DLGAP2: variants seen among roughly 807,000 people sequenced by gnomAD.
The protein encoded by DLGAP2 is disks large-associated protein 2.
DLGAP2 carries 26 observed loss-of-function variants against 100.3 expected under a neutral mutation model. The ratio of observed to expected loss-of-function variants is 0.26; its 90% CI spans 0.19 to 0.36. The LOEUF (loss-of-function observed/expected upper bound fraction) is 0.36, where lower values mean the gene tolerates loss of function less well. DLGAP2 is among the 10% of genes least tolerant of loss of function. DLGAP2 has a pLI of 1.00. For synonymous variants in DLGAP2, 886 were observed against 630.1 expected (o/e 1.41, Z -6.08); for missense variants, 1,858 against 1,453.2 (o/e 1.28, Z -4.53).
intron 3 of DLGAP2, among the ~76,000 whole-genome samples, chr8:1,327,800 C>T (rs886314175): frequency 6.6e-6 from 1 of 152,176 alleles, no homozygotes; most frequent in Non-Finnish European, 1.5e-5. Context: ...GCAGAGATGG[C>T]ACCACTGCAC....
At chr8:1,066,187 G>T (rs1257104422) in intron 2 of DLGAP2, among the ~76,000 whole-genome samples, 1 of 150,988 alleles carries the variant, frequency 6.6e-6, no homozygotes, top group African/African-American at 2.4e-5. Flanking sequence ...CCCCACCACG[G>T]TCAGGTCTGA....
At chr8:974,542 A>G (rs535668863) in intron 2 of DLGAP2, among the ~76,000 whole-genome samples, 3 of 152,352 alleles carry the variant, frequency 2.0e-5, no homozygotes, top group Non-Finnish European at 2.9e-5. Context: ...AAGTAACACA[A>G]AGTCTGCTCT....
intron 3 of DLGAP2, among the ~76,000 whole-genome samples, chr8:1,266,711 C>T (rs1799457900): frequency 6.6e-6 from 1 of 151,984 alleles, no homozygotes; most frequent in Admixed American, 6.6e-5. Flanking sequence ...AAGCATGATA[C>T]AGTGAGGGGG....
At chr8:1,045,012 C>T (rs1802478010) in intron 2 of DLGAP2, among the ~76,000 whole-genome samples, 1 of 152,202 alleles carries the variant, frequency 6.6e-6, no homozygotes, top group South Asian at 2.1e-4. Context: ...TTGTCATTTC[C>T]TCATAAGCAC....
chr8:1,443,612 C>T (rs1367014980), intron 3 of DLGAP2, among the ~76,000 whole-genome samples: 1 of 152,172 alleles, frequency 6.6e-6, no homozygotes, highest in African/African-American at 2.4e-5. Flanking sequence ...GGGGAGGCCT[C>T]ACGATCATGG....
chr8:898,366 C>G (rs1490939621), intron 1 of DLGAP2, among the ~76,000 whole-genome samples: 1 of 152,210 alleles, frequency 6.6e-6, no homozygotes, highest in Admixed American at 6.5e-5. Context: ...TCTCCTCGGG[C>G]TGAAGTGCAC....
chr8:1,505,336 T>A (rs1799869352), intron 4 of DLGAP2, among the ~76,000 whole-genome samples: 1 of 152,220 alleles, frequency 6.6e-6, no homozygotes. Flanking sequence ...GTTAAAGTCA[T>A]AAAGCAATGA....
At chr8:864,809 A>G (rs995780372) in intron 1 of DLGAP2, among the ~76,000 whole-genome samples, 3 of 152,178 alleles carry the variant, frequency 2.0e-5, no homozygotes, top group Admixed American at 6.5e-5. Flanking sequence ...TTAAAAAGGG[A>G]TGGCTGAAAA....
chr8:916,040 G>C (rs1160929812), intron 2 of DLGAP2, among the ~76,000 whole-genome samples: 1 of 137,336 alleles, frequency 7.3e-6, no homozygotes, highest in African/African-American at 2.8e-5. Flanking sequence ...TAGACTCTCT[G>C]CACTCTCTTT....
At chr8:1,348,002 A>G (rs538526884) in intron 3 of DLGAP2, among the ~76,000 whole-genome samples, 3 of 151,540 alleles carry the variant, frequency 2.0e-5, no homozygotes, top group South Asian at 4.2e-4. Context: ...GTTCCCATAC[A>G]GAGCTGCATT....
intron 6 of DLGAP2, among the ~76,000 whole-genome samples, chr8:1,600,300 TATC>T: frequency 6.6e-6 from 1 of 152,280 alleles, no homozygotes; most frequent in African/African-American, 2.4e-5. Flanking sequence ...TGGCTGCCCT[TATC>T]ATTTTTTCCT....
intron 1 of DLGAP2, among the ~76,000 whole-genome samples, chr8:759,307 C>G (rs1403747705): frequency 6.6e-6 from 1 of 151,184 alleles, no homozygotes; most frequent in African/African-American, 2.5e-5. Flanking sequence ...ACAGCCTCCC[C>G]ATTATCAATA....
intron 1 of DLGAP2, among the ~76,000 whole-genome samples, chr8:787,486 A>G (rs1366118056): frequency 6.6e-6 from 1 of 152,190 alleles, no homozygotes; most frequent in Non-Finnish European, 1.5e-5. Flanking sequence ...TGAAGGAAGG[A>G]TGGTCCTGTG....
chr8:1,122,398 G>T (rs1164462226), intron 2 of DLGAP2, among the ~76,000 whole-genome samples: 3 of 152,316 alleles, frequency 2.0e-5, no homozygotes, highest in African/African-American at 7.2e-5. Context: ...CCAATGGGCT[G>T]TTTAAATGTG....
chr8:879,762 G>C (rs1444915072), intron 1 of DLGAP2, among the ~76,000 whole-genome samples: 1 of 152,114 alleles, frequency 6.6e-6, no homozygotes, highest in Non-Finnish European at 1.5e-5. Flanking sequence ...AGAGTTGATT[G>C]CTCCTAGGGA....
At chr8:1,287,698 T>A (rs1799971347) in intron 3 of DLGAP2, among the ~76,000 whole-genome samples, 2 of 22,006 alleles carry the variant, frequency 9.1e-5, no homozygotes, top group Non-Finnish European at 1.6e-4. Context: ...CGGTTCAGTG[T>A]GTGTGTGTGT....
chr8:1,649,695 C>A (rs907311530), intron 8 of DLGAP2, among the ~76,000 whole-genome samples: 1 of 152,096 alleles, frequency 6.6e-6, no homozygotes, highest in Non-Finnish European at 1.5e-5. Flanking sequence ...ATACTCCTTT[C>A]TAAAATATTT....
chr8:1,508,221 G>T (rs968104651), intron 4 of DLGAP2, among the ~76,000 whole-genome samples: 1 of 150,464 alleles, frequency 6.6e-6, no homozygotes, highest in African/African-American at 2.5e-5. Context: ...TAAACATCAC[G>T]CGTCCCATTC....
At chr8:1,289,637 A>G (rs1331867589) in intron 3 of DLGAP2, among the ~76,000 whole-genome samples, 1 of 152,152 alleles carries the variant, frequency 6.6e-6, no homozygotes, top group Non-Finnish European at 1.5e-5. Context: ...GCGTTCCTAC[A>G]TAGTCCCTGC....
Sources: allele counts gnomAD v4.1 joint callset (sites outside exome capture counted in the v4.1 genomes callset), GRCh38; gene constraint gnomAD v4.1.1; transcripts MANE v1.5; gene names NCBI Gene and HGNC (gene_info 2026-07-23, HGNC 2026-07-21).